Variants in EYS observed in about 807,000 individuals in gnomAD.
EYS encodes the protein protein eyes shut homolog.
A neutral mutation model predicts 282.1 loss-of-function variants in EYS; 250 were observed. That is an observed-to-expected ratio of 0.89 (90% confidence interval 0.80 to 0.98). The LOEUF (loss-of-function observed/expected upper bound fraction) is 0.98. Ranked by LOEUF, EYS falls within the 50% of genes least tolerant of loss-of-function variation. The pLI, the probability that EYS is intolerant of heterozygous loss-of-function variation, is 0.00. For synonymous variants in EYS, 1,355 were observed against 1,282.9 expected (o/e 1.06, Z -1.20); for missense variants, 4,016 against 3,709.0 (o/e 1.08, Z -2.15).
At chr6:63,896,197 T>G (rs1032491111) in intron 35 of EYS, among the ~76,000 whole-genome samples, 1 of 152,182 alleles carries the variant, frequency 6.6e-6, no homozygotes, top group Non-Finnish European at 1.5e-5. Flanking sequence ...TCCAAATCTC[T>G]ATGTCCTTTC....
intron 36 of EYS, among the ~76,000 whole-genome samples, chr6:63,836,790 G>A (rs904027929): frequency 4.6e-5 from 7 of 151,994 alleles, no homozygotes; most frequent in African/African-American, 9.7e-5. Flanking sequence ...CATAGTCCTC[G>A]TTTGACCATA....
chr6:63,755,580 T>A (rs1056969370), intron 41 of EYS, among the ~76,000 whole-genome samples: 1 of 152,354 alleles, frequency 6.6e-6, no homozygotes, highest in African/African-American at 2.4e-5. Context: ...TCCAGCTTTG[T>A]TCTTTTTGCT....
intron 35 of EYS, among the ~76,000 whole-genome samples, chr6:63,869,262 CT>C (rs1442005832): frequency 2.6e-5 from 4 of 152,086 alleles, no homozygotes; most frequent in African/African-American, 4.8e-5. Context: ...ATTAAAAACA[CT>C]TTTTTTCTTG....
intron 22 of EYS, among the ~76,000 whole-genome samples, chr6:64,749,698 C>A (rs879253391): frequency 6.6e-6 from 1 of 152,092 alleles, no homozygotes; most frequent in Non-Finnish European, 1.5e-5. Context: ...CAGATACCAT[C>A]AAAAACTAAA....
intron 2 of EYS, among the ~76,000 whole-genome samples, chr6:65,597,610 C>A (rs937474768): frequency 2.6e-5 from 4 of 152,118 alleles, no homozygotes; most frequent in African/African-American, 9.7e-5. Flanking sequence ...TTTCTACCAG[C>A]ATCTCAATGC....
chr6:65,588,771 A>C (rs990927949), intron 2 of EYS, among the ~76,000 whole-genome samples: 5 of 152,064 alleles, frequency 3.3e-5, no homozygotes, highest in Non-Finnish European at 1.5e-5. Context: ...TGTCTCTTGC[A>C]GGATTCTATA....
intron 13 of EYS, among the ~76,000 whole-genome samples, chr6:65,025,724 A>G (rs79435759): frequency 0.078 from 11,915 of 152,220 alleles, 598 homozygotes; most frequent in African/African-American, 0.14. Context: ...AAAAAAATAA[A>G]TAAGAGGAAG....
intron 22 of EYS, among the ~76,000 whole-genome samples, chr6:64,680,226 T>C (rs182122683): frequency 6.6e-5 from 10 of 152,254 alleles, no homozygotes; most frequent in Admixed American, 2.0e-4. Context: ...ACTGCCTTAG[T>C]AGTAAAGTGG....
At chr6:64,002,380 T>G (rs1259137902) in intron 33 of EYS, among the ~76,000 whole-genome samples, 1 of 152,240 alleles carries the variant, frequency 6.6e-6, no homozygotes, top group Non-Finnish European at 1.5e-5. Flanking sequence ...TACAGAAGGC[T>G]GTCACACTGG....
chr6:65,088,981 C>T (rs530308777), intron 12 of EYS, among the ~76,000 whole-genome samples: 1 of 152,248 alleles, frequency 6.6e-6, no homozygotes, highest in East Asian at 1.9e-4. Flanking sequence ...TGCTGTCGAG[C>T]CTGTGGGTGC....
chr6:64,825,297 C>T (rs901403476), intron 19 of EYS, among the ~76,000 whole-genome samples: 2 of 151,816 alleles, frequency 1.3e-5, no homozygotes, highest in African/African-American at 4.8e-5. Context: ...TTTATGTTTC[C>T]CTCCTGTAAC....
chr6:65,339,353 T>G (rs1770111636), intron 10 of EYS, among the ~76,000 whole-genome samples: 1 of 151,234 alleles, frequency 6.6e-6, no homozygotes, highest in African/African-American at 2.4e-5. Context: ...ATTGTTGGTT[T>G]CGCTTTCCAT....
At chr6:65,060,803 C>T (rs1255430901) in intron 12 of EYS, among the ~76,000 whole-genome samples, 2 of 146,088 alleles carry the variant, frequency 1.4e-5, no homozygotes, top group East Asian at 2.0e-4. Flanking sequence ...TATATATATA[C>T]ACACACATAC....
At chr6:64,593,803 G>A (rs1766483836) in intron 24 of EYS, among the ~76,000 whole-genome samples, 1 of 152,164 alleles carries the variant, frequency 6.6e-6, no homozygotes, top group Non-Finnish European at 1.5e-5. Flanking sequence ...ATCTTTATGT[G>A]TTTTAGTTTG....
chr6:64,155,206 G>A (rs904017003), intron 31 of EYS, among the ~76,000 whole-genome samples: 3 of 152,106 alleles, frequency 2.0e-5, no homozygotes, highest in Non-Finnish European at 4.4e-5. Flanking sequence ...AGGATTTAAT[G>A]TTGTACTGTA....
intron 30 of EYS, among the ~76,000 whole-genome samples, chr6:64,294,353 A>C (rs1219689338): frequency 1.3e-5 from 2 of 152,234 alleles, no homozygotes. Context: ...AAATATTTTG[A>C]TAAATTTAAA....
At chr6:63,951,511 A>C (rs1765592050) in intron 35 of EYS, among the ~76,000 whole-genome samples, 1 of 151,546 alleles carries the variant, frequency 6.6e-6, no homozygotes, top group African/African-American at 2.4e-5. Context: ...GAGTCTTTTC[A>C]ATCTTCCTTT....
intron 35 of EYS, among the ~76,000 whole-genome samples, chr6:63,969,258 A>G (rs773042317): frequency 6.6e-6 from 1 of 152,196 alleles, no homozygotes; most frequent in South Asian, 2.1e-4. Context: ...TGTAAAACTG[A>G]CCTGAGTATG....
intron 26 of EYS, 26 bp downstream of exon 26, chr6:64,590,197 T>C (rs1766359402): frequency 6.7e-7 from 1 of 1,492,804 alleles, no homozygotes; most frequent in South Asian, 1.3e-5. Flanking sequence ...TCTAAAAGTT[T>C]ACTGAACAGA....
Sources: gnomAD v4.1 joint callset for allele counts (sites outside exome capture counted in the v4.1 genomes callset) on GRCh38, gnomAD v4.1.1 for gene constraint, MANE v1.5 for transcripts, NCBI Gene and HGNC (gene_info 2026-07-23, HGNC 2026-07-21) for gene names.